Variants in ABLIM1 observed in about 807,000 individuals in gnomAD.
The protein encoded by ABLIM1 is actin binding LIM protein 1.
A neutral mutation model predicts 107.0 loss-of-function variants in ABLIM1; 40 were observed. The observed-to-expected ratio is 0.37, with a 90% CI of 0.29 to 0.49. The LOEUF (loss-of-function observed/expected upper bound fraction) is 0.49, where lower values mean the gene tolerates loss of function less well. ABLIM1 is among the 20% of genes least tolerant of loss of function. ABLIM1 has a pLI of 0.97. For synonymous variants in ABLIM1, 357 were observed against 357.3 expected, an observed-to-expected ratio of 1.00 and a Z score of 0.01; for missense variants, 857 against 1,008.5, an observed-to-expected ratio of 0.85 and a Z score of 2.04.
At chr10:114,588,259 C>A (rs1488982563) in intron 2 of ABLIM1, among the ~76,000 whole-genome samples, 1 of 151,988 alleles carries the variant, frequency 6.6e-6, no homozygotes, top group South Asian at 2.1e-4. Flanking sequence ...GGTACCAGGA[C>A]GTTTCCCATC....
chr10:114,691,501 G>A (rs960016377), intron 1 of ABLIM1, among the ~76,000 whole-genome samples: 3 of 152,136 alleles, frequency 2.0e-5, no homozygotes, highest in African/African-American at 7.2e-5. Context: ...CTATGTTAGA[G>A]AGGATTAAAA....
intron 1 of ABLIM1, chr10:114,690,407 G>A: frequency 6.2e-7 from 1 of 1,604,792 alleles, no homozygotes; most frequent in South Asian, 1.1e-5. Context: ...TCTCCCCATA[G>A]ATGGACTTGC....
intron 6 of ABLIM1, among the ~76,000 whole-genome samples, chr10:114,503,770 G>A (rs1377716957): frequency 6.6e-6 from 1 of 152,204 alleles, no homozygotes. Flanking sequence ...CCTCTGTGAA[G>A]TGAATGATCT....
At position 114,473,911 on chromosome 10, in the gene ABLIM1, T is replaced by C. The variant is rs748418244; in HGVS notation, c.1087A>G (p.Ser363Gly). 5 of 1,613,744 alleles carry C rather than the reference T, an allele frequency of 3.1e-6. No individual in the cohort carries two copies. In the East Asian group the frequency reaches 8.9e-5, roughly 29 times the overall value. The change falls in exon 9 of 23, where the codon AGT (serine) becomes GGT (glycine). Residue 363 changes from serine (S) to glycine (G), a missense_variant. By Grantham distance (56) the Ser-to-Gly change is moderately conservative. Around this residue, in one of 5 missense-constraint regions of ABLIM1, gnomAD observed 381 missense variants for 506.9 expected, o/e 0.75. Transcript: ENST00000533213. ...SESIYSRPGS[S>G]IPGSPGHTIY... The stretch of plus-strand genomic sequence containing the variant: ...GTATGACCTGGTGAGCCAGGAATAC[T>C]GGAGCCTGGCCTAGAATAAATACTT...
chr10:114,643,375 C>T (rs1032920007), intron 1 of ABLIM1, among the ~76,000 whole-genome samples: 3 of 152,170 alleles, frequency 2.0e-5, no homozygotes, highest in Non-Finnish European at 4.4e-5. Context: ...CTAAGCATCT[C>T]ACAGAAGCAA....
intron 1 of ABLIM1, among the ~76,000 whole-genome samples, chr10:114,754,814 A>C (rs951357121): frequency 6.6e-6 from 1 of 152,212 alleles, no homozygotes; most frequent in African/African-American, 2.4e-5. Flanking sequence ...TTAAGCTGCC[A>C]GGCCTAGTCC....
At chr10:114,559,588 T>C (rs1328923012) in intron 4 of ABLIM1, among the ~76,000 whole-genome samples, 1 of 152,156 alleles carries the variant, frequency 6.6e-6, no homozygotes, top group Non-Finnish European at 1.5e-5. Flanking sequence ...GCAGGGCAAG[T>C]GACCACCCAC....
chr10:114,635,890 G>A (rs2078455337), intron 1 of ABLIM1, among the ~76,000 whole-genome samples: 1 of 152,146 alleles, frequency 6.6e-6, no homozygotes, highest in African/African-American at 2.4e-5. Context: ...AAAGAAACCT[G>A]GAGAATGAGT....
At chr10:114,471,758 C>T (rs2066620975) in intron 10 of ABLIM1, among the ~76,000 whole-genome samples, 1 of 151,920 alleles carries the variant, frequency 6.6e-6, no homozygotes, top group Non-Finnish European at 1.5e-5. Flanking sequence ...ATTTTCATGC[C>T]TTTTCTTCTC....
At chr10:114,788,208 C>A in the ABLIM1 span, among the ~76,000 whole-genome samples, 2 of 149,842 alleles carry the variant, frequency 1.3e-5, no homozygotes, top group African/African-American at 4.9e-5. Flanking sequence ...GCTGCAGGGT[C>A]CTCTGCCTAG....
chr10:114,732,408 A>G (rs2082094958), intron 1 of ABLIM1, among the ~76,000 whole-genome samples: 1 of 151,834 alleles, frequency 6.6e-6, no homozygotes, highest in Non-Finnish European at 1.5e-5. Flanking sequence ...AAATTTTAAA[A>G]TTAGGTTATC....
chr10:114,615,214 G>C (rs2077055835), intron 1 of ABLIM1, among the ~76,000 whole-genome samples: 2 of 152,212 alleles, frequency 1.3e-5, no homozygotes, highest in South Asian at 2.1e-4. Context: ...TTCTTTCACT[G>C]CCCTATGGAA....
intron 6 of ABLIM1, among the ~76,000 whole-genome samples, chr10:114,516,386 T>C (rs2062818351): frequency 6.6e-6 from 1 of 152,048 alleles, no homozygotes; most frequent in Non-Finnish European, 1.5e-5. Flanking sequence ...TAGCCAACCA[T>C]GGTAGTGTGT....
chr10:114,453,451 G>A lies in ABLIM1; in HGVS notation c.1474C>T (p.Leu492Phe), dbSNP rs201630917. 8.9e-5 allele frequency: 143 copies of A among 1,611,474 alleles called. No individual in the cohort carries two copies. Among genetic ancestry groups the A allele is most frequent in the Middle Eastern group, 3.3e-4 (2 of 6,046 alleles). The stretch of plus-strand genomic sequence containing the variant: ...GGGCGGCTGTCTGGCCGGTAAGGGA[G>A]AGGGGAGTTCCGGCCGCTGGACGGC... ...NEPSSGRNSP[L>F]PYRPDSRPLT... is the part of the protein sequence containing the mutation. The change falls in exon 13 of 23, where the codon CTC becomes TTC. Residue 492 changes from leucine (L) to phenylalanine (F), a missense_variant. Leu to Phe is a conservative substitution (Grantham distance 22, BLOSUM62 0). Around this residue, in one of 5 missense-constraint regions of ABLIM1, gnomAD observed 381 missense variants for 506.9 expected, o/e 0.75. Transcript: ENST00000533213.
intron 1 of ABLIM1, among the ~76,000 whole-genome samples, chr10:114,748,508 CCTGT>C (rs995183307): frequency 2.0e-5 from 3 of 151,738 alleles, no homozygotes; most frequent in Admixed American, 6.6e-5. Context: ...GCTGTGTGTG[CCTGT>C]CTGTCTGCTC....
chr10:114,471,745 CA>C (rs1565446320), intron 10 of ABLIM1, among the ~76,000 whole-genome samples: 2 of 151,996 alleles, frequency 1.3e-5, no homozygotes, highest in Non-Finnish European at 2.9e-5. Flanking sequence ...TAAACAGAAT[CA>C]CATTTTCATG....
chr10:114,431,911 A>G lies in ABLIM1; in HGVS notation c.*4349T>C, dbSNP rs2058894461. On this transcript the variant is annotated 3_prime_UTR_variant, in exon 23 of 23. Coordinates refer to ENST00000533213, the MANE Select transcript of ABLIM1 (RefSeq NM_002313.7). ...AACTTGCCCAAATAAAAACATAACA[A>G]TCCATATGCAAAGCATATCTGCCAC... The G allele has an allele frequency of 6.6e-6, 1 of 152,126 alleles. No homozygotes were observed. The highest frequency in any genetic ancestry group is 6.6e-5 in the Admixed American group (1 of 15,262). The allele number at this position is 152,126 out of a possible 1,614,324, so 9.4% of individuals were successfully genotyped here. A position where few individuals can be genotyped will look rare whatever the true frequency, so the allele number is the denominator to read the frequency against.
chr10:114,599,735 T>A (rs574793409), intron 2 of ABLIM1, among the ~76,000 whole-genome samples: 21 of 151,876 alleles, frequency 1.4e-4, no homozygotes, highest in African/African-American at 1.2e-4. Flanking sequence ...TGCAGTGAGC[T>A]GAGATCACAC....
intron 12 of ABLIM1, among the ~76,000 whole-genome samples, chr10:114,456,674 C>T (rs2062880828): frequency 1.3e-5 from 2 of 152,308 alleles, no homozygotes; most frequent in South Asian, 4.1e-4. Context: ...TCTGCATATG[C>T]AGGACACAAA....
Sources: allele counts gnomAD v4.1 joint callset (sites outside exome capture counted in the v4.1 genomes callset), GRCh38; gene constraint gnomAD v4.1.1; regional missense constraint gnomAD v4.1.1; transcripts MANE v1.5; gene names NCBI Gene and HGNC (gene_info 2026-07-23, HGNC 2026-07-21).